Variants in PLCB1 observed in about 807,000 individuals in gnomAD.
PLCB1 encodes phospholipase C beta 1, also known as 1-phosphatidylinositol 4,5-bisphosphate phosphodiesterase beta-1.
In PLCB1, 46 loss-of-function variants were observed where a neutral mutation model predicts 161.8. That is an observed-to-expected ratio of 0.28 (90% CI 0.22 to 0.36). PLCB1 has a LOEUF of 0.36. PLCB1 is among the 10% of genes least tolerant of loss of function. PLCB1 has a pLI of 1.00. For synonymous variants in PLCB1, 517 were observed against 503.7 expected (o/e 1.03, Z -0.35); for missense variants, 1,016 against 1,472.5 (o/e 0.69, Z 5.07).
chr20:8,241,561 T>G (rs892349204), intron 2 of PLCB1, among the ~76,000 whole-genome samples: 2 of 151,898 alleles, frequency 1.3e-5, no homozygotes, highest in Non-Finnish European at 2.9e-5. Flanking sequence ...AAATATTAAT[T>G]AGGCACCGAG....
At chr20:8,471,377 A>G (rs1237212913) in intron 3 of PLCB1, among the ~76,000 whole-genome samples, 1 of 152,180 alleles carries the variant, frequency 6.6e-6, no homozygotes, top group Non-Finnish European at 1.5e-5. Context: ...TCTGTGGAAC[A>G]CACTCGGGGA....
At chr20:8,541,350 A>G (rs1985307702) in intron 3 of PLCB1, among the ~76,000 whole-genome samples, 1 of 152,148 alleles carries the variant, frequency 6.6e-6, no homozygotes, top group South Asian at 2.1e-4. Context: ...CTTGGAGCAG[A>G]TGAGTAACAT....
At chr20:8,644,868 G>A (rs1489958491) in intron 4 of PLCB1, among the ~76,000 whole-genome samples, 1 of 152,184 alleles carries the variant, frequency 6.6e-6, no homozygotes, top group African/African-American at 2.4e-5. Flanking sequence ...TGACAATGGC[G>A]GTTTTGTGGA....
At chr20:8,632,028 TTTTTTGC>T (rs1988605727) in intron 4 of PLCB1, among the ~76,000 whole-genome samples, 3 of 88,602 alleles carry the variant, frequency 3.4e-5, no homozygotes, top group African/African-American at 8.8e-5. Context: ...AATATGGGTT[TTTTTTGC>T]TTTTTTTTTT....
At chr20:8,341,832 A>G (rs1337655985) in intron 2 of PLCB1, among the ~76,000 whole-genome samples, 1 of 152,238 alleles carries the variant, frequency 6.6e-6, no homozygotes, top group Non-Finnish European at 1.5e-5. Flanking sequence ...AATATTCAAA[A>G]TAATGTTATG....
intron 2 of PLCB1, among the ~76,000 whole-genome samples, chr20:8,251,337 T>C (rs1300953258): frequency 2.0e-5 from 3 of 151,932 alleles, no homozygotes; most frequent in Non-Finnish European, 4.4e-5. Flanking sequence ...CCAAGAACGG[T>C]GCAGTCCTCA....
chr20:8,660,861 A>G (rs527873331), intron 9 of PLCB1, among the ~76,000 whole-genome samples: 3 of 152,190 alleles, frequency 2.0e-5, no homozygotes, highest in Non-Finnish European at 2.9e-5. Flanking sequence ...ATAAAGAAGC[A>G]ACATAGAATA....
intron 2 of PLCB1, among the ~76,000 whole-genome samples, chr20:8,186,308 T>G (rs532866348): frequency 5.3e-5 from 8 of 152,354 alleles, no homozygotes; most frequent in African/African-American, 1.9e-4. Flanking sequence ...TATACATTTT[T>G]CCTGAGTGTG....
chr20:8,606,931 G>T (rs1301993239), intron 3 of PLCB1, among the ~76,000 whole-genome samples: 2 of 152,112 alleles, frequency 1.3e-5, no homozygotes, highest in Non-Finnish European at 2.9e-5. Flanking sequence ...AGAATGAATT[G>T]TTGGGGAGCA....
At chr20:8,833,665 G>A (rs143117243) in intron 31 of PLCB1, among the ~76,000 whole-genome samples, 1 of 152,316 alleles carries the variant, frequency 6.6e-6, no homozygotes, top group Non-Finnish European at 1.5e-5. Context: ...TCCCCCAAAG[G>A]AGTGTGGCCC....
chr20:8,438,680 T>G (rs1315394148), intron 3 of PLCB1, among the ~76,000 whole-genome samples: 1 of 152,180 alleles, frequency 6.6e-6, no homozygotes. Flanking sequence ...CCTGGCCAAG[T>G]ACCCCCTAGC....
intron 3 of PLCB1, among the ~76,000 whole-genome samples, chr20:8,477,673 T>A (rs1982338579): frequency 6.6e-6 from 1 of 152,112 alleles, no homozygotes; most frequent in African/African-American, 2.4e-5. Flanking sequence ...AGGGAGCAGG[T>A]GTGTCACATA....
intron 2 of PLCB1, among the ~76,000 whole-genome samples, chr20:8,204,959 T>G (rs895370795): frequency 5.9e-5 from 9 of 152,168 alleles, no homozygotes; most frequent in African/African-American, 2.2e-4. Context: ...GACATTGAAT[T>G]CAGTTAATCT....
At chr20:8,852,407 G>C (rs1986919528) in intron 31 of PLCB1, among the ~76,000 whole-genome samples, 1 of 152,194 alleles carries the variant, frequency 6.6e-6, no homozygotes, top group African/African-American at 2.4e-5. Flanking sequence ...ACTACTCTGA[G>C]TTACCTTATT....
chr20:8,839,735 T>TAAA (rs71331333), intron 31 of PLCB1, among the ~76,000 whole-genome samples: 1,357 of 108,848 alleles, frequency 0.012, 15 homozygotes, highest in East Asian at 0.035. Flanking sequence ...TAGTAATTCT[T>TAAA]AAAAAAAAAA....
chr20:8,210,083 C>G (rs1978742751), intron 2 of PLCB1, among the ~76,000 whole-genome samples: 1 of 151,748 alleles, frequency 6.6e-6, no homozygotes, highest in Non-Finnish European at 1.5e-5. Flanking sequence ...GCCACCGAGC[C>G]CAACTTTATA....
At chr20:8,533,776 A>T (rs1328801992) in intron 3 of PLCB1, among the ~76,000 whole-genome samples, 1 of 151,840 alleles carries the variant, frequency 6.6e-6, no homozygotes, top group Non-Finnish European at 1.5e-5. Context: ...CCTTTGTCAG[A>T]TGAGTAGGTT....
intron 2 of PLCB1, among the ~76,000 whole-genome samples, chr20:8,197,900 T>A (rs530773320): frequency 6.6e-6 from 1 of 152,042 alleles, no homozygotes; most frequent in Non-Finnish European, 1.5e-5. Context: ...TTCCCAGCAC[T>A]ATTTGTTAAA....
intron 31 of PLCB1, among the ~76,000 whole-genome samples, chr20:8,801,665 T>C (rs1233091959): frequency 6.6e-6 from 1 of 152,238 alleles, no homozygotes. Context: ...AGAAAAGTAG[T>C]GCCCTTAAGC....
Sources: allele counts gnomAD v4.1 joint callset (sites outside exome capture counted in the v4.1 genomes callset), GRCh38; gene constraint gnomAD v4.1.1; transcripts MANE v1.5; gene names NCBI Gene and HGNC (gene_info 2026-07-23, HGNC 2026-07-21).